BANK1: variants seen among roughly 807,000 people sequenced by gnomAD.
The protein encoded by BANK1 is B-cell scaffold protein with ankyrin repeats.
Under a neutral mutation model 94.5 loss-of-function variants are expected in BANK1, and 95 were observed. The ratio of observed to expected loss-of-function variants is 1.00; its 90% CI spans 0.85 to 1.19. BANK1 has a LOEUF of 1.19. BANK1 is among the 50% of genes most tolerant of loss of function. The pLI, the probability that BANK1 is intolerant of heterozygous loss-of-function variation, is 0.00. For missense variants in BANK1, 987 were observed against 932.2 expected, an observed-to-expected ratio of 1.06 and a Z score of -0.77; for synonymous variants, 334 against 308.4, an observed-to-expected ratio of 1.08 and a Z score of -0.87.
intron 13 of BANK1, among the ~76,000 whole-genome samples, chr4:102,063,601 A>G (rs1728494945): frequency 6.6e-6 from 1 of 151,948 alleles, no homozygotes; most frequent in South Asian, 2.1e-4. Context: ...AGGCGGATGG[A>G]TCACTTGAGG....
At chr4:101,958,421 A>G (rs1034743273) in intron 7 of BANK1, among the ~76,000 whole-genome samples, 19 of 48,322 alleles carry the variant, frequency 3.9e-4, no homozygotes, top group Non-Finnish European at 6.8e-4. Context: ...TGCTACAAAC[A>G]CTTTTTTTTT....
rs1486828562 is a variant in BANK1 at position 102,025,448 on chromosome 4, C to T, written c.1533C>T (p.Leu511=). ...CACTCATGAGCAGCAGACCTCCTCT[C>T]CCCCCGCCGCGACCTGTAGCTAATG... ...QEPLMSSRPP[L]PPPRPVANAF... is the part of the protein sequence containing the mutation. The change falls in exon 9 of 17, where the codon CTC becomes CTT. Residue 511 remains leucine (L), a synonymous_variant. Coordinates refer to ENST00000322953, the MANE Select transcript of BANK1 (RefSeq NM_017935.5). The T allele has an allele frequency of 6.2e-7, 1 of 1,613,776 alleles. No individual in the cohort carries two copies. The highest frequency in any genetic ancestry group is 1.3e-5 in the African/African-American group (1 of 74,868).
Position 101,986,823 on chromosome 4 carries a change from G to A in BANK1, c.1207-34691G>A, listed in dbSNP as rs373990240. Among the ~76,000 whole-genome samples, 140 of 115,400 alleles carry A rather than the reference G, an allele frequency of 1.2e-3. 2 individuals carry two copies. The East Asian group carries it at 0.027, about 22-fold the overall frequency. 75.7% of individuals were successfully genotyped at this position (115,400 alleles called of 152,430 possible). A position where few individuals can be genotyped will look rare whatever the true frequency, so the allele number is the denominator to read the frequency against. On this transcript the variant is annotated intron_variant, in intron 7 of 16. Transcript: ENST00000322953. The stretch of plus-strand genomic sequence containing the variant: ...TGTGTATATATATGTATATATATGT[G>A]TATATATATGTATATATATGTGTAT...
intron 7 of BANK1, among the ~76,000 whole-genome samples, chr4:101,982,838 C>T (rs1284268028): frequency 3.3e-5 from 5 of 151,472 alleles, no homozygotes; most frequent in South Asian, 2.1e-4. Context: ...CAAGTTAAAC[C>T]GGTTTTACAT....
At chr4:102,010,102 A>C (rs1276027627) in intron 7 of BANK1, among the ~76,000 whole-genome samples, 2 of 75,292 alleles carry the variant, frequency 2.7e-5, no homozygotes, top group Non-Finnish European at 8.3e-5. Context: ...CGTCTCTACT[A>C]AAAATACAAA....
intron 1 of BANK1, among the ~76,000 whole-genome samples, chr4:101,826,409 G>A (rs556198220): frequency 4.7e-4 from 71 of 152,090 alleles, no homozygotes; most frequent in African/African-American, 1.6e-3. Flanking sequence ...TTACTTAAGA[G>A]TGTAATTGTG....
intron 2 of BANK1, 146 bp from the exon 3 acceptor site, chr4:101,854,889 C>T (rs1727621958): frequency 1.8e-6 from 1 of 558,368 alleles, no homozygotes. Flanking sequence ...TAATTATTAA[C>T]ATTGGTTCAA....
intron 7 of BANK1, among the ~76,000 whole-genome samples, chr4:102,009,006 G>A (rs1368246481): frequency 2.0e-5 from 3 of 152,144 alleles, no homozygotes; most frequent in African/African-American, 7.2e-5. Flanking sequence ...AGCTTCATCA[G>A]CACTCCTCTG....
At chr4:101,852,216 G>A (rs1727501598) in intron 2 of BANK1, among the ~76,000 whole-genome samples, 1 of 151,298 alleles carries the variant, frequency 6.6e-6, no homozygotes, top group Non-Finnish European at 1.5e-5. Context: ...TTCTATTATT[G>A]CATTTATATG....
intron 1 of BANK1, among the ~76,000 whole-genome samples, chr4:101,816,859 C>A (rs1247520200): frequency 1.3e-5 from 2 of 152,146 alleles, no homozygotes; most frequent in Non-Finnish European, 2.9e-5. Context: ...ACATTAATCT[C>A]AGTCTGGATC....
At chr4:102,070,823 T>C (rs1728732472) in intron 13 of BANK1, among the ~76,000 whole-genome samples, 1 of 152,194 alleles carries the variant, frequency 6.6e-6, no homozygotes, top group African/African-American at 2.4e-5. Context: ...TAGGGAATAT[T>C]CTACGGAGAT....
chr4:101,942,186 G>A (rs1009031510), intron 7 of BANK1, among the ~76,000 whole-genome samples: 7 of 151,874 alleles, frequency 4.6e-5, no homozygotes, highest in Non-Finnish European at 8.8e-5. Context: ...TGGCAACCAA[G>A]GACCCTATTC....
intron 2 of BANK1, among the ~76,000 whole-genome samples, chr4:101,847,314 G>T (rs1727286751): frequency 6.6e-6 from 1 of 151,760 alleles, no homozygotes; most frequent in African/African-American, 2.4e-5. Context: ...GTTGTTAGTT[G>T]TTATTCATAT....
rs185067110 is a variant in BANK1, at chr4:101,871,351, C to G, written c.903+707C>G. On this transcript the variant is annotated intron_variant, in intron 5 of 16. Transcript: ENST00000322953. ...TAGAGAAAGGAAGTCGAAGTATCTT[C>G]AAATTTACCATAAAATTTACCATAA... is the stretch of plus-strand genomic sequence containing the variant. 1.8e-3 allele frequency among the ~76,000 whole-genome samples: 267 copies of G among 152,082 alleles called. 1 individual carries two copies. Among genetic ancestry groups the G allele is most frequent in the African/African-American group, 5.8e-3 (242 of 41,514 alleles).
chr4:101,891,680 A>G (rs1054215324), intron 5 of BANK1, among the ~76,000 whole-genome samples: 1 of 151,836 alleles, frequency 6.6e-6, no homozygotes, highest in Non-Finnish European at 1.5e-5. Context: ...CTTTCAGTGT[A>G]TTTTCTTCCT....
chr4:101,905,786 A>G (rs1398324826), intron 6 of BANK1, among the ~76,000 whole-genome samples: 1 of 152,194 alleles, frequency 6.6e-6, no homozygotes, highest in Non-Finnish European at 1.5e-5. Context: ...AAACAGTATT[A>G]GCATTGTCAA....
At chr4:101,948,759 C>A (rs2148913466) in intron 7 of BANK1, among the ~76,000 whole-genome samples, 1 of 152,042 alleles carries the variant, frequency 6.6e-6, no homozygotes, top group East Asian at 1.9e-4. Flanking sequence ...AAGAAACATC[C>A]CAAAATGTAG....
chr4:101,919,543 C>T (rs1312706071), intron 7 of BANK1, among the ~76,000 whole-genome samples: 1 of 151,912 alleles, frequency 6.6e-6, no homozygotes, highest in Non-Finnish European at 1.5e-5. Flanking sequence ...GTATTTATAC[C>T]TCTGCTCCTG....
rs28421052 is a variant in BANK1, at chr4:101,900,995, C to G, written c.1009+5585C>G. 6.7e-3 allele frequency among the ~76,000 whole-genome samples: 1,022 copies of G among 152,208 alleles called. 13 individuals carry two copies. Among genetic ancestry groups the G allele is most frequent in the African/African-American group, 0.023 (951 of 41,514 alleles). On this transcript the variant is annotated intron_variant, in intron 6 of 16. Transcript: ENST00000322953. ...CCACTCAAGGTCTTTTAAAAGCCAACTGAAGATAAAGTTTCTGAGAGAAGA... is the reference window on the plus strand; with the variant it reads ...CCACTCAAGGTCTTTTAAAAGCCAAGTGAAGATAAAGTTTCTGAGAGAAGA...
Sources: gnomAD v4.1 joint callset for allele counts (sites outside exome capture counted in the v4.1 genomes callset) on GRCh38, gnomAD v4.1.1 for gene constraint, MANE v1.5 for transcripts, NCBI Gene and HGNC (gene_info 2026-07-23, HGNC 2026-07-21) for gene names.